WWOX: variants seen among roughly 807,000 people sequenced by gnomAD.
The protein encoded by WWOX is WW domain containing oxidoreductase, also known as WW domain-containing oxidoreductase.
In WWOX, 69 loss-of-function variants were observed where a neutral mutation model predicts 46.2. That is an observed-to-expected ratio of 1.49 (90% CI 1.23 to 1.82). WWOX has a LOEUF of 1.82. Among genes scored for constraint, WWOX ranks in the 40% most tolerant of loss-of-function variants. The pLI is 0.00. For missense variants in WWOX, 919 were observed against 542.6 expected (o/e 1.69, Z -6.89); for synonymous variants, 359 against 202.6 (o/e 1.77, Z -6.56).
At chr16:78,377,342 A>T (rs2081853951) in intron 5 of WWOX, among the ~76,000 whole-genome samples, 1 of 152,156 alleles carries the variant, frequency 6.6e-6, no homozygotes, top group South Asian at 2.1e-4. Context: ...TTATCATATG[A>T]ATTTACCTTT....
intron 4 of WWOX, among the ~76,000 whole-genome samples, chr16:78,116,222 G>A (rs189459905): frequency 2.3e-4 from 35 of 152,188 alleles, no homozygotes; most frequent in African/African-American, 7.5e-4. Flanking sequence ...AACTTGTTGT[G>A]CTATCAAATA....
intron 8 of WWOX, among the ~76,000 whole-genome samples, chr16:78,450,664 GTC>G (rs1428542526): frequency 6.6e-6 from 1 of 152,128 alleles, no homozygotes; most frequent in Non-Finnish European, 1.5e-5. Flanking sequence ...AGTGCAATAA[GTC>G]TGTTTTTTGA....
intron 8 of WWOX, among the ~76,000 whole-genome samples, chr16:78,807,218 A>T (rs1011644011): frequency 6.6e-6 from 1 of 152,130 alleles, no homozygotes; most frequent in African/African-American, 2.4e-5. Flanking sequence ...TTTTTCATGA[A>T]TTTTCCACTG....
chr16:78,865,179 G>T (rs1245932293), intron 8 of WWOX, among the ~76,000 whole-genome samples: 1 of 152,156 alleles, frequency 6.6e-6, no homozygotes, highest in African/African-American at 2.4e-5. Context: ...AAGGTTGTAT[G>T]TTTGTGCGAT....
intron 8 of WWOX, among the ~76,000 whole-genome samples, chr16:78,527,574 A>G (rs1314398222): frequency 6.6e-6 from 1 of 152,154 alleles, no homozygotes; most frequent in Non-Finnish European, 1.5e-5. Context: ...GATTACAGGC[A>G]TGAGCCATCG....
At chr16:79,000,907 T>G (rs1381341645) in intron 8 of WWOX, among the ~76,000 whole-genome samples, 1 of 152,176 alleles carries the variant, frequency 6.6e-6, no homozygotes, top group African/African-American at 2.4e-5. Context: ...TGTGATGATT[T>G]AATTAATACT....
At chr16:78,407,617 G>T (rs2082578250) in intron 6 of WWOX, among the ~76,000 whole-genome samples, 7 of 152,030 alleles carry the variant, frequency 4.6e-5, no homozygotes, top group Admixed American at 4.6e-4. Flanking sequence ...CTCATTCTTG[G>T]GTTCCTTGAG....
chr16:78,934,242 G>A (rs559854833), intron 8 of WWOX, among the ~76,000 whole-genome samples: 1 of 150,236 alleles, frequency 6.7e-6, no homozygotes, highest in Non-Finnish European at 1.5e-5. Context: ...GGAGGCTGAG[G>A]CAGGAGAATG....
Position 79,087,945 on chromosome 16 carries a change from G to A in WWOX, c.1057-123663G>A, listed in dbSNP as rs534603390. On this transcript the variant is annotated intron_variant, in intron 8 of 8. Coordinates refer to ENST00000566780, the MANE Select transcript of WWOX (RefSeq NM_016373.4). ...GGACCCTTGGCAGGAGGCATTCATG[G>A]GTCTGTAGTCCAAGGCTCCACTACC... 5.3e-5 allele frequency among the ~76,000 whole-genome samples: 8 copies of A among 152,200 alleles called. No homozygotes were observed. In the South Asian group the frequency reaches 1.5e-3, roughly 28 times the overall value.
intron 8 of WWOX, among the ~76,000 whole-genome samples, chr16:79,066,069 C>A (rs771650754): frequency 6.6e-6 from 1 of 152,196 alleles, no homozygotes; most frequent in South Asian, 2.1e-4. Context: ...ATCGCAGCCT[C>A]CAGCTTCTCC....
At chr16:78,862,505 TA>T (rs1443240354) in intron 8 of WWOX, among the ~76,000 whole-genome samples, 2 of 152,052 alleles carry the variant, frequency 1.3e-5, no homozygotes, top group East Asian at 3.9e-4. Context: ...TTTTTCTGTA[TA>T]TATGTATAAA....
At chr16:78,122,900 CG>C (rs1377829424) in intron 4 of WWOX, among the ~76,000 whole-genome samples, 2 of 152,102 alleles carry the variant, frequency 1.3e-5, no homozygotes, top group Non-Finnish European at 2.9e-5. Flanking sequence ...CCACCATGCC[CG>C]GGGGTGTTGT....
chr16:78,928,602 A>G (rs916152300), intron 8 of WWOX, among the ~76,000 whole-genome samples: 8 of 152,136 alleles, frequency 5.3e-5, no homozygotes, highest in African/African-American at 1.7e-4. Context: ...ATAGTTGTAA[A>G]TACACTTTCT....
At chr16:78,675,700 C>T (rs759825057) in intron 8 of WWOX, among the ~76,000 whole-genome samples, 2 of 152,072 alleles carry the variant, frequency 1.3e-5, no homozygotes, top group African/African-American at 2.4e-5. Flanking sequence ...TCTGGCCAGG[C>T]GCAGTGGCTC....
At chr16:78,160,205 C>G (rs74740095) in intron 4 of WWOX, among the ~76,000 whole-genome samples, 7,963 of 151,484 alleles carry the variant, frequency 0.053, 339 homozygotes, top group East Asian at 0.25. Context: ...TTTTTTGGAG[C>G]AAGATCTCAC....
chr16:78,222,308 T>A (rs1424382851), intron 5 of WWOX, among the ~76,000 whole-genome samples: 2 of 149,898 alleles, frequency 1.3e-5, no homozygotes, highest in Non-Finnish European at 3.0e-5. Context: ...CTGTGCCTCA[T>A]TAGGGGTGAG....
At chr16:78,441,573 GGAGA>G (rs1321995435) in intron 8 of WWOX, among the ~76,000 whole-genome samples, 1 of 152,120 alleles carries the variant, frequency 6.6e-6, no homozygotes, top group Non-Finnish European at 1.5e-5. Flanking sequence ...ATGAATGTAA[GGAGA>G]GAGAGGTGAG....
chr16:78,133,507 C>T (rs186687674), intron 4 of WWOX, among the ~76,000 whole-genome samples: 122 of 152,220 alleles, frequency 8.0e-4, no homozygotes, highest in African/African-American at 2.7e-3. Context: ...GTGATCTGCC[C>T]GCCTTGGCCT....
intron 4 of WWOX, among the ~76,000 whole-genome samples, chr16:78,142,638 A>T (rs1003369782): frequency 3.9e-5 from 6 of 152,240 alleles, no homozygotes; most frequent in African/African-American, 1.2e-4. Context: ...CTTTAAATAA[A>T]TAAATCGTTT....
Sources: allele counts gnomAD v4.1 joint callset (sites outside exome capture counted in the v4.1 genomes callset), GRCh38; gene constraint gnomAD v4.1.1; transcripts MANE v1.5; gene names NCBI Gene and HGNC (gene_info 2026-07-23, HGNC 2026-07-21).